Variants in ANXA8 observed in about 807,000 individuals in gnomAD.
The protein encoded by ANXA8 is annexin A8, also known as VAC-beta.
A neutral mutation model predicts 26.8 loss-of-function variants in ANXA8; 9 were observed. The ratio of observed to expected loss-of-function variants is 0.34; its 90% CI spans 0.20 to 0.59. The LOEUF is 0.59. ANXA8 is among the 20% of genes least tolerant of loss of function. The pLI is 0.84. For missense variants in ANXA8, 83 were observed against 238.5 expected (o/e 0.35, Z 4.29); for synonymous variants, 39 against 94.8 (o/e 0.41, Z 3.42).
the ANXA8 span, among the ~76,000 whole-genome samples, chr10:47,659,115 C>T: frequency 6.6e-6 from 1 of 151,832 alleles, no homozygotes; most frequent in African/African-American, 2.4e-5. Context: ...TCGTGATCTG[C>T]CTGCCTAGGC....
chr10:47,491,719 C>T, the ANXA8 span: 1 of 1,544,088 alleles, frequency 6.5e-7, no homozygotes, highest in Non-Finnish European at 8.7e-7. Context: ...GAGGACTGGC[C>T]CAACATGCTT....
At chr10:47,729,419 A>G in the ANXA8 span, among the ~76,000 whole-genome samples, 1 of 142,914 alleles carries the variant, frequency 7.0e-6, no homozygotes, top group Non-Finnish European at 1.6e-5. Context: ...AGCATGGTCG[A>G]TGGTGCTCTG....
the ANXA8 span, chr10:47,922,828 CTGCA>C: frequency 1.4e-5 from 19 of 1,356,680 alleles, no homozygotes; most frequent in Non-Finnish European, 4.0e-6. Flanking sequence ...CTGGCTGCCT[CTGCA>C]TGTGTTCAAC....
chr10:47,556,418 C>T, the ANXA8 span, among the ~76,000 whole-genome samples: 180 of 152,028 alleles, frequency 1.2e-3, 6 homozygotes, highest in African/African-American at 4.1e-3. Flanking sequence ...AGTTTATATT[C>T]GCCATTTTAA....
the ANXA8 span, among the ~76,000 whole-genome samples, chr10:47,694,333 T>G: frequency 6.6e-6 from 1 of 151,382 alleles, no homozygotes; most frequent in Admixed American, 6.6e-5. Flanking sequence ...ACTTTTCTGT[T>G]GTCCTAATGA....
the ANXA8 span, chr10:47,551,887 CT>C: frequency 8.2e-7 from 1 of 1,225,496 alleles, no homozygotes; most frequent in Non-Finnish European, 1.1e-6. Context: ...CACCGTTTTT[CT>C]TTCTGTGTTT....
chr10:47,693,721 T>C, the ANXA8 span, among the ~76,000 whole-genome samples: 1 of 151,838 alleles, frequency 6.6e-6, no homozygotes. Flanking sequence ...TTCACCTAAC[T>C]CCCTCTGTTC....
chr10:47,645,736 T>C, the ANXA8 span, among the ~76,000 whole-genome samples: 11 of 150,382 alleles, frequency 7.3e-5, 2 homozygotes, highest in African/African-American at 2.8e-4. Flanking sequence ...AGCATTTGAA[T>C]AGGTAGACTG....
At chr10:47,503,255 G>A in the ANXA8 span, 49 of 1,545,512 alleles carry the variant, frequency 3.2e-5, 10 homozygotes, top group Middle Eastern at 1.9e-4. Flanking sequence ...TTTCCACTTC[G>A]CTTTAAGAGC....
chr10:47,676,345 G>A, the ANXA8 span, among the ~76,000 whole-genome samples: 1 of 151,788 alleles, frequency 6.6e-6, no homozygotes, highest in Non-Finnish European at 1.5e-5. Flanking sequence ...TCCCAAGCAA[G>A]TTAAATACAA....
chr10:47,680,612 G>A, the ANXA8 span, among the ~76,000 whole-genome samples: 4 of 150,536 alleles, frequency 2.7e-5, no homozygotes, highest in Non-Finnish European at 5.9e-5. Flanking sequence ...TCCAGCCTGG[G>A]CAACAGAGCA....
the ANXA8 span, among the ~76,000 whole-genome samples, chr10:47,895,527 GCTCT>G: frequency 5.6e-5 from 8 of 142,768 alleles, no homozygotes; most frequent in South Asian, 1.0e-3. Context: ...TTTTTCTGAT[GCTCT>G]CTCTAAGAGG....
the ANXA8 span, among the ~76,000 whole-genome samples, chr10:47,705,295 C>A: frequency 7.2e-6 from 1 of 138,880 alleles, no homozygotes; most frequent in Non-Finnish European, 1.5e-5. Flanking sequence ...CAAGTTTAGT[C>A]TTTTATTATG....
the ANXA8 span, among the ~76,000 whole-genome samples, chr10:47,650,205 C>CAA: frequency 3.7e-4 from 37 of 99,878 alleles, no homozygotes; most frequent in African/African-American, 1.2e-3. Flanking sequence ...AAGTCTGTCT[C>CAA]AAAAAAAAAA....
chr10:47,648,231 TC>T, the ANXA8 span, among the ~76,000 whole-genome samples: 8 of 151,680 alleles, frequency 5.3e-5, no homozygotes, highest in Non-Finnish European at 8.8e-5. Flanking sequence ...CTCTAGTACC[TC>T]CCAATAGCAG....
the ANXA8 span, among the ~76,000 whole-genome samples, chr10:47,528,513 G>A: frequency 6.7e-6 from 1 of 148,598 alleles, no homozygotes; most frequent in Non-Finnish European, 1.5e-5. Context: ...CCTAAAAGTG[G>A]GTAACTTGAA....
chr10:47,621,304 C>T, the ANXA8 span, among the ~76,000 whole-genome samples: 20 of 110,338 alleles, frequency 1.8e-4, 3 homozygotes, highest in Admixed American at 1.2e-3. Flanking sequence ...ATTTAATGAA[C>T]ATTTATGTGC....
At chr10:47,469,104 T>G (rs1289685896) in intron 11 of ANXA8, among the ~76,000 whole-genome samples, 198 bp from the exon 12 acceptor site, 4 of 148,598 alleles carry the variant, frequency 2.7e-5, no homozygotes, top group Non-Finnish European at 5.9e-5. Flanking sequence ...ACATTTCCTT[T>G]TGATTCTCTT....
At chr10:47,525,930 G>A in the ANXA8 span, among the ~76,000 whole-genome samples, 8 of 131,252 alleles carry the variant, frequency 6.1e-5, 1 homozygote, top group Middle Eastern at 0.012. Context: ...TCAGCCTCCC[G>A]AGTAGCTGGG....
Sources: gnomAD v4.1 joint callset for allele counts (sites outside exome capture counted in the v4.1 genomes callset) on GRCh38, gnomAD v4.1.1 for gene constraint, MANE v1.5 for transcripts, NCBI Gene and HGNC (gene_info 2026-07-23, HGNC 2026-07-21) for gene names.